Variants in SRGAP2 observed in about 807,000 individuals in gnomAD.
SRGAP2 encodes the protein SLIT-ROBO Rho GTPase-activating protein 2.
Under a neutral mutation model 57.2 loss-of-function variants are expected in SRGAP2, and 15 were observed. That is an observed-to-expected ratio of 0.26 (90% CI 0.18 to 0.40). The LOEUF is 0.40. SRGAP2 is among the 10% of genes least tolerant of loss of function. The probability of loss-of-function intolerance (pLI) is 1.00; values close to 1 mark genes in which losing one functional copy is unlikely to be tolerated. For synonymous variants in SRGAP2, 249 were observed against 248.0 expected (o/e 1.00, Z -0.04); for missense variants, 520 against 669.6 (o/e 0.78, Z 2.47).
At chr1:206,415,790 A>G (rs965182597) in intron 10 of SRGAP2, 99 bp from the exon 11 acceptor site, 1 of 700,346 alleles carries the variant, frequency 1.4e-6, no homozygotes, top group Non-Finnish European at 2.6e-6. Flanking sequence ...TCAGAAACCA[A>G]ATGACCTCTA....
chr1:206,364,627 A>G (rs2103002635), intron 4 of SRGAP2, among the ~76,000 whole-genome samples: 1 of 151,124 alleles, frequency 6.6e-6, no homozygotes, highest in South Asian at 2.1e-4. Flanking sequence ...AGAATAGCTG[A>G]CTTTATTAAA....
At chr1:206,420,164 C>A (rs1660171515) in intron 12 of SRGAP2, among the ~76,000 whole-genome samples, 1 of 152,188 alleles carries the variant, frequency 6.6e-6, no homozygotes, top group African/African-American at 2.4e-5. Flanking sequence ...CCCATTATAT[C>A]AACCACTTAT....
At position 206,309,157 on chromosome 1, in the gene SRGAP2, C is replaced by T. The variant is rs1553322992; in HGVS notation, c.260+5684C>T. ...CACCAGCCTGGGTGACAGAGTGAGACCCTGTGTCTTAAAAAAAAAAAAAAA... is the reference window on the plus strand; with the variant it reads ...CACCAGCCTGGGTGACAGAGTGAGATCCTGTGTCTTAAAAAAAAAAAAAAA... On this transcript the variant is annotated intron_variant, in intron 3 of 22. Transcript: ENST00000573034. 2.1e-5 allele frequency among the ~76,000 whole-genome samples: 3 copies of T among 144,648 alleles called. 1 individual carries two copies. 94.9% of individuals were successfully genotyped at this position (144,648 alleles called of 152,430 possible). A position where few individuals can be genotyped will look rare whatever the true frequency, so the allele number is the denominator to read the frequency against.
intron 2 of SRGAP2, among the ~76,000 whole-genome samples, chr1:206,240,050 G>T (rs1243288541): frequency 6.6e-6 from 1 of 151,882 alleles, no homozygotes; most frequent in Non-Finnish European, 1.5e-5. Flanking sequence ...CGGATCACGA[G>T]ATCAGGAGTT....
intron 16 of SRGAP2, among the ~76,000 whole-genome samples, chr1:206,438,903 C>T (rs1163883708): frequency 6.6e-6 from 1 of 152,168 alleles, no homozygotes; most frequent in Non-Finnish European, 1.5e-5. Flanking sequence ...AGTACTTGTC[C>T]CTCTCTGTTA....
At chr1:206,253,141 C>T (rs1190394567) in intron 2 of SRGAP2, among the ~76,000 whole-genome samples, 2 of 149,972 alleles carry the variant, frequency 1.3e-5, no homozygotes, top group Non-Finnish European at 3.0e-5. Flanking sequence ...GGGTGTCTGT[C>T]TGGATACTCA....
At chr1:206,436,517 G>T (rs1572151051) in intron 14 of SRGAP2, among the ~76,000 whole-genome samples, 1 of 151,884 alleles carries the variant, frequency 6.6e-6, no homozygotes, top group Non-Finnish European at 1.5e-5. Context: ...ACTGTGCCTG[G>T]CTACTTTAAA....
At chr1:206,208,696 G>A (rs1459078711) in intron 2 of SRGAP2, among the ~76,000 whole-genome samples, 4 of 152,194 alleles carry the variant, frequency 2.6e-5, no homozygotes. Flanking sequence ...GAAGCCCTGG[G>A]TCAGAATTAT....
chr1:206,307,701 A>G (rs1183605153), intron 3 of SRGAP2, among the ~76,000 whole-genome samples: 1 of 152,202 alleles, frequency 6.6e-6, no homozygotes, highest in Non-Finnish European at 1.5e-5. Flanking sequence ...CCCGGGTGCT[A>G]AGTCCCCCAT....
At chr1:206,277,340 AG>A (rs1235451977) in intron 2 of SRGAP2, among the ~76,000 whole-genome samples, 1 of 115,628 alleles carries the variant, frequency 8.6e-6, no homozygotes, top group Non-Finnish European at 1.7e-5. Flanking sequence ...TATATTAAAT[AG>A]GTAAAGACAT....
chr1:206,377,459 T>C (rs1571999169), intron 4 of SRGAP2, among the ~76,000 whole-genome samples: 1 of 147,874 alleles, frequency 6.8e-6, no homozygotes, highest in African/African-American at 2.5e-5. Context: ...TACTATGTAA[T>C]AGCTGGATTT....
intron 8 of SRGAP2, among the ~76,000 whole-genome samples, 197 bp downstream of exon 8, chr1:206,401,842 A>T (rs1265001993): frequency 6.6e-6 from 1 of 152,096 alleles, no homozygotes; most frequent in Non-Finnish European, 1.5e-5. Flanking sequence ...GGGTGCAGAC[A>T]TGGGGGATTA....
At position 206,229,927 on chromosome 1, in the gene SRGAP2, T is replaced by TAC. The variant is rs1293699335; in HGVS notation, c.67+23892_67+23893dup. Among the ~76,000 whole-genome samples the TAC allele has an allele frequency of 1.9e-4, 21 of 113,390 alleles. No individual in the cohort carries two copies. In the East Asian group the frequency reaches 4.4e-3, roughly 24 times the overall value. 74.4% of individuals were successfully genotyped at this position (113,390 alleles called of 152,430 possible). ...TGAGAGAGAGATATATATGTACACA[T>TAC]ACATACACACACACACACACACACA... On this transcript the variant is annotated intron_variant, in intron 2 of 22. Coordinates refer to ENST00000573034, the MANE Select transcript of SRGAP2 (RefSeq NM_015326.5).
At chr1:206,295,338 C>T (rs1412938868) in intron 2 of SRGAP2, among the ~76,000 whole-genome samples, 1 of 152,114 alleles carries the variant, frequency 6.6e-6, no homozygotes, top group Non-Finnish European at 1.5e-5. Context: ...ATTCTCCTGC[C>T]TCACCCTCCC....
intron 18 of SRGAP2, among the ~76,000 whole-genome samples, chr1:206,449,750 A>G (rs1216751198): frequency 6.6e-6 from 1 of 151,984 alleles, no homozygotes; most frequent in Non-Finnish European, 1.5e-5. Flanking sequence ...TCACCAGTTC[A>G]CAGTCTGAAC....
At chr1:206,266,928 G>A (rs1433152760) in intron 2 of SRGAP2, among the ~76,000 whole-genome samples, 5 of 143,868 alleles carry the variant, frequency 3.5e-5, no homozygotes, top group Non-Finnish European at 6.0e-5. Context: ...TTCTTAAAGA[G>A]GCAGCTGAGA....
In SRGAP2 at chr1:206,462,835, A is replaced by C. The variant is rs1664347640; in HGVS notation, c.*1415A>C. 1 of 152,216 alleles carries C rather than the reference A, an allele frequency of 6.6e-6. No individual in the cohort carries two copies. Among genetic ancestry groups the C allele is most frequent in the African/African-American group, 2.4e-5 (1 of 41,446 alleles). 9.4% of individuals were successfully genotyped at this position (152,216 alleles called of 1,614,324 possible). A position where few individuals can be genotyped will look rare whatever the true frequency, so the allele number is the denominator to read the frequency against. ...CCTTGTCTGCTCCAATTCAGTCTCC[A>C]AACCTGGTGCCTGTGCTCCTGGCCC... On this transcript the variant is annotated 3_prime_UTR_variant, in exon 23 of 23. Transcript: ENST00000573034.
At chr1:206,241,650 C>A (rs548908214) in intron 2 of SRGAP2, among the ~76,000 whole-genome samples, 1 of 151,806 alleles carries the variant, frequency 6.6e-6, no homozygotes, top group African/African-American at 2.4e-5. Context: ...GGGTCAGTGT[C>A]TCTTTAGAAA....
intron 18 of SRGAP2, among the ~76,000 whole-genome samples, chr1:206,449,458 T>C (rs1237182890): frequency 1.3e-5 from 2 of 151,150 alleles, no homozygotes; most frequent in African/African-American, 2.4e-5. Context: ...TTTTTTTTTT[T>C]TTTTCTTTTT....
Sources: allele counts gnomAD v4.1 joint callset (sites outside exome capture counted in the v4.1 genomes callset), GRCh38; gene constraint gnomAD v4.1.1; transcripts MANE v1.5; gene names NCBI Gene and HGNC (gene_info 2026-07-23, HGNC 2026-07-21).